Variants in SORCS2 observed in about 807,000 individuals in gnomAD.
The protein encoded by SORCS2 is VPS10 domain-containing receptor SorCS2.
Under a neutral mutation model 141.6 loss-of-function variants are expected in SORCS2, and 100 were observed. The observed-to-expected ratio is 0.71, with a 90% CI of 0.60 to 0.83. The LOEUF is 0.83. SORCS2 is among the 40% of genes least tolerant of loss of function. The probability of loss-of-function intolerance (pLI) is 0.00; values close to 1 mark genes in which losing one functional copy is unlikely to be tolerated. For missense variants in SORCS2, 1,646 were observed against 1,560.2 expected (o/e 1.05, Z -0.93); for synonymous variants, 789 against 676.9 (o/e 1.17, Z -2.57).
At chr4:7,340,512 C>T (rs569231701) in intron 1 of SORCS2, among the ~76,000 whole-genome samples, 2 of 152,326 alleles carry the variant, frequency 1.3e-5, no homozygotes, top group South Asian at 2.1e-4. Context: ...GGAAAGGCGC[C>T]CCCCAGGTGG....
At chr4:7,232,096 T>G (rs1425444297) in intron 1 of SORCS2, among the ~76,000 whole-genome samples, 1 of 151,644 alleles carries the variant, frequency 6.6e-6, no homozygotes, top group Non-Finnish European at 1.5e-5. Context: ...CTGCGGAGGG[T>G]GGTGGGAGAG....
intron 4 of SORCS2, among the ~76,000 whole-genome samples, chr4:7,643,554 A>G (rs1024610424): frequency 5.3e-5 from 8 of 152,216 alleles, no homozygotes; most frequent in African/African-American, 1.7e-4. Context: ...TGGGTGGGCA[A>G]TCAGGGAAGA....
At chr4:7,629,017 C>T (rs769093000) in intron 3 of SORCS2, among the ~76,000 whole-genome samples, 6 of 152,112 alleles carry the variant, frequency 3.9e-5, no homozygotes, top group Admixed American at 6.5e-5. Context: ...ACGGTGGCCT[C>T]GGAGCTACCA....
chr4:7,209,760 A>G (rs1055442982), intron 1 of SORCS2, among the ~76,000 whole-genome samples: 1 of 151,906 alleles, frequency 6.6e-6, no homozygotes, highest in African/African-American at 2.4e-5. Flanking sequence ...GACGAAGACC[A>G]GGCAGAACCT....
At chr4:7,657,803 T>G (rs1721887670) in intron 5 of SORCS2, among the ~76,000 whole-genome samples, 1 of 151,036 alleles carries the variant, frequency 6.6e-6, no homozygotes, top group Non-Finnish European at 1.5e-5. Flanking sequence ...AATGAGTGAG[T>G]GAGTGAATGA....
At chr4:7,702,496 A>G (rs918304332) in intron 12 of SORCS2, among the ~76,000 whole-genome samples, 35 of 152,264 alleles carry the variant, frequency 2.3e-4, no homozygotes, top group African/African-American at 7.9e-4. Flanking sequence ...CATGTGTACA[A>G]TGGGACCCCA....
chr4:7,707,800 T>C (rs1315418097), intron 14 of SORCS2, among the ~76,000 whole-genome samples: 1 of 151,980 alleles, frequency 6.6e-6, no homozygotes. Flanking sequence ...GACACAGGGG[T>C]GGAGACAGAC....
chr4:7,551,209 C>T (rs556848794), intron 3 of SORCS2, among the ~76,000 whole-genome samples: 3 of 152,322 alleles, frequency 2.0e-5, no homozygotes, highest in South Asian at 2.1e-4. Context: ...GATCTCTCAG[C>T]GGAGCCTCCT....
intron 2 of SORCS2, among the ~76,000 whole-genome samples, chr4:7,440,710 C>T (rs1184772857): frequency 6.6e-6 from 1 of 152,216 alleles, no homozygotes; most frequent in Non-Finnish European, 1.5e-5. Context: ...CTCATGCTGC[C>T]TCTCCTCCCC....
chr4:7,525,315 T>C (rs966751157), intron 2 of SORCS2, among the ~76,000 whole-genome samples: 1 of 152,112 alleles, frequency 6.6e-6, no homozygotes, highest in Admixed American at 6.5e-5. Flanking sequence ...TAAGGATGTG[T>C]GGTCACAGCC....
chr4:7,571,887 C>T (rs925467362), intron 3 of SORCS2, among the ~76,000 whole-genome samples: 2 of 152,214 alleles, frequency 1.3e-5, no homozygotes, highest in East Asian at 3.8e-4. Context: ...ACCCCCCTCG[C>T]GGTGCCAGAG....
intron 1 of SORCS2, chr4:7,310,664 G>T (rs1718126693): frequency 6.5e-6 from 1 of 153,578 alleles, no homozygotes; most frequent in Non-Finnish European, 1.5e-5. Context: ...CCCCAGGGCG[G>T]GGGCACAAGG....
intron 2 of SORCS2, among the ~76,000 whole-genome samples, chr4:7,482,005 CTG>C (rs1730672934): frequency 3.5e-5 from 3 of 86,886 alleles, no homozygotes; most frequent in African/African-American, 1.3e-4. Context: ...ACACCCCTGG[CTG>C]CTGTTCAGAC....
intron 1 of SORCS2, among the ~76,000 whole-genome samples, chr4:7,334,495 G>T (rs34762772): frequency 0.13 from 19,543 of 152,142 alleles, 1,709 homozygotes; most frequent in East Asian, 0.41. Flanking sequence ...GCCAGGCCTA[G>T]CACAGAACCT....
At chr4:7,277,564 G>A (rs1451421514) in intron 1 of SORCS2, among the ~76,000 whole-genome samples, 3 of 152,242 alleles carry the variant, frequency 2.0e-5, no homozygotes, top group African/African-American at 2.4e-5. Flanking sequence ...ATGACATGCC[G>A]GCAGAAACTG....
At chr4:7,349,394 C>T (rs1025294423) in intron 1 of SORCS2, among the ~76,000 whole-genome samples, 8 of 152,148 alleles carry the variant, frequency 5.3e-5, no homozygotes, top group Admixed American at 6.5e-5. Flanking sequence ...CCACTGGCCC[C>T]GTGCCGCTGG....
intron 2 of SORCS2, among the ~76,000 whole-genome samples, chr4:7,454,288 CAGGCGCTGTGTTGGGGTT>C (rs1163741490): frequency 9.3e-6 from 1 of 107,590 alleles, no homozygotes; most frequent in Non-Finnish European, 1.8e-5. Context: ...GTGTTGGGGT[CAGGCGCTGTGTTGGGGTT>C]AGGAGCTGTG....
chr4:7,369,426 A>G (rs1394749268), intron 1 of SORCS2, among the ~76,000 whole-genome samples: 1 of 152,238 alleles, frequency 6.6e-6, no homozygotes, highest in Non-Finnish European at 1.5e-5. Flanking sequence ...AGTGCCCACT[A>G]TGAGCTGGTC....
chr4:7,559,578 C>G (rs887648213), intron 3 of SORCS2, among the ~76,000 whole-genome samples: 1 of 152,168 alleles, frequency 6.6e-6, no homozygotes, highest in Admixed American at 6.5e-5. Flanking sequence ...GTATCATGAG[C>G]TCCAGCCTCT....
Sources: gnomAD v4.1 joint callset for allele counts (sites outside exome capture counted in the v4.1 genomes callset) on GRCh38, gnomAD v4.1.1 for gene constraint, MANE v1.5 for transcripts, NCBI Gene and HGNC (gene_info 2026-07-23, HGNC 2026-07-21) for gene names.